The following GRM5 variants were observed in gnomAD, a reference collection of about 807,000 sequenced individuals.
GRM5 encodes metabotropic glutamate receptor 5.
Under a neutral mutation model 83.1 loss-of-function variants are expected in GRM5, and 19 were observed. The ratio of observed to expected loss-of-function variants is 0.23; its 90% CI spans 0.16 to 0.34. The LOEUF (loss-of-function observed/expected upper bound fraction) is 0.34, where lower values mean the gene tolerates loss of function less well. Ranked by LOEUF, GRM5 falls within the 10% of genes least tolerant of loss-of-function variation. The pLI is 1.00. For synonymous variants in GRM5, 675 were observed against 633.6 expected (o/e 1.07, Z -0.98); for missense variants, 1,160 against 1,588.3 (o/e 0.73, Z 4.58).
chr11:88,981,606 A>T (rs1177532034), intron 2 of GRM5, among the ~76,000 whole-genome samples: 1 of 151,874 alleles, frequency 6.6e-6, no homozygotes, highest in Non-Finnish European at 1.5e-5. Flanking sequence ...TAGTATACAC[A>T]AAAAAAATTA....
At chr11:88,741,619 A>G (rs1942031146) in intron 3 of GRM5, among the ~76,000 whole-genome samples, 1 of 152,122 alleles carries the variant, frequency 6.6e-6, no homozygotes, top group South Asian at 2.1e-4. Flanking sequence ...CATAATCTAT[A>G]CTATAGTATA....
chr11:88,552,802 C>T (rs1001391800), intron 8 of GRM5, among the ~76,000 whole-genome samples: 6 of 152,122 alleles, frequency 3.9e-5, no homozygotes, highest in African/African-American at 1.2e-4. Flanking sequence ...CAGCCCATAA[C>T]TCGTAGTCTG....
At chr11:88,987,317 C>T (rs56018501) in intron 2 of GRM5, among the ~76,000 whole-genome samples, 4 of 152,278 alleles carry the variant, frequency 2.6e-5, no homozygotes, top group Middle Eastern at 3.4e-3. Context: ...TAAAAAACGG[C>T]ACACCACGAG....
chr11:88,944,785 C>A (rs1247721153), intron 2 of GRM5, among the ~76,000 whole-genome samples: 1 of 151,806 alleles, frequency 6.6e-6, no homozygotes, highest in Non-Finnish European at 1.5e-5. Flanking sequence ...CTGGAAATAT[C>A]CCCCTAGAGA....
intron 7 of GRM5, among the ~76,000 whole-genome samples, chr11:88,579,036 A>T (rs2135189936): frequency 6.6e-6 from 1 of 152,276 alleles, no homozygotes; most frequent in African/African-American, 2.4e-5. Flanking sequence ...TGTGATCATG[A>T]GCATGGATAT....
At chr11:88,514,000 C>A (rs183482387) in intron 9 of GRM5, among the ~76,000 whole-genome samples, 1 of 151,936 alleles carries the variant, frequency 6.6e-6, no homozygotes, top group Admixed American at 6.6e-5. Context: ...TGAAAGGGAA[C>A]TTTTCTTTAC....
chr11:88,814,434 T>C (rs1271076802), intron 3 of GRM5, among the ~76,000 whole-genome samples: 3 of 152,166 alleles, frequency 2.0e-5, no homozygotes, highest in Non-Finnish European at 2.9e-5. Flanking sequence ...TCTGAAAGTA[T>C]TGAATCGAAC....
intron 2 of GRM5, among the ~76,000 whole-genome samples, chr11:89,033,159 T>C (rs1463136427): frequency 6.6e-6 from 1 of 152,032 alleles, no homozygotes; most frequent in Admixed American, 6.6e-5. Flanking sequence ...TTGACCATCA[T>C]AACAAAACAT....
chr11:88,915,877 G>C (rs151176110), intron 2 of GRM5, among the ~76,000 whole-genome samples: 1 of 152,216 alleles, frequency 6.6e-6, no homozygotes, highest in East Asian at 1.9e-4. Context: ...TCTCATGGTT[G>C]TCTACAAAAC....
chr11:88,858,327 A>G (rs1327042057), intron 2 of GRM5, among the ~76,000 whole-genome samples: 2 of 152,112 alleles, frequency 1.3e-5, no homozygotes, highest in East Asian at 3.8e-4. Flanking sequence ...ATAACTATGC[A>G]TCGCCCCACT....
chr11:88,942,702 T>A (rs1938153196), intron 2 of GRM5, among the ~76,000 whole-genome samples: 1 of 151,736 alleles, frequency 6.6e-6, no homozygotes. Flanking sequence ...GACCTAGATT[T>A]GTCATTTTCC....
At chr11:88,761,540 A>G (rs1357579586) in intron 3 of GRM5, among the ~76,000 whole-genome samples, 1 of 152,106 alleles carries the variant, frequency 6.6e-6, no homozygotes, top group Non-Finnish European at 1.5e-5. Context: ...ACACTGCTCA[A>G]AGAAATCAGA....
intron 3 of GRM5, among the ~76,000 whole-genome samples, chr11:88,753,258 GA>G (rs1012248022): frequency 6.6e-5 from 10 of 151,800 alleles, no homozygotes; most frequent in African/African-American, 2.4e-4. Flanking sequence ...AAATTTATGA[GA>G]AAAAACAACC....
intron 8 of GRM5, among the ~76,000 whole-genome samples, chr11:88,551,871 C>G (rs1207663930): frequency 1.3e-5 from 2 of 152,108 alleles, no homozygotes; most frequent in African/African-American, 4.8e-5. Flanking sequence ...GGAAGCAGAA[C>G]TCATTGAATT....
intron 2 of GRM5, among the ~76,000 whole-genome samples, chr11:88,986,986 CATCCT>C (rs1232420386): frequency 6.6e-6 from 1 of 151,644 alleles, no homozygotes; most frequent in Non-Finnish European, 1.5e-5. Flanking sequence ...AGATCAAGAT[CATCCT>C]ATCGGGGGAA....
intron 2 of GRM5, among the ~76,000 whole-genome samples, chr11:88,989,901 A>G (rs1250483425): frequency 3.3e-5 from 5 of 151,994 alleles, no homozygotes; most frequent in South Asian, 4.1e-4. Flanking sequence ...TGCCCACAAG[A>G]GAAAGCAGGA....
At chr11:88,739,620 TC>T (rs1941988873) in intron 3 of GRM5, among the ~76,000 whole-genome samples, 1 of 152,040 alleles carries the variant, frequency 6.6e-6, no homozygotes, top group African/African-American at 2.4e-5. Flanking sequence ...CCCATGTTGT[TC>T]TCGTGATCAC....
At chr11:88,579,982 G>C (rs959894707) in intron 7 of GRM5, among the ~76,000 whole-genome samples, 1 of 152,198 alleles carries the variant, frequency 6.6e-6, no homozygotes, top group Non-Finnish European at 1.5e-5. Flanking sequence ...GTAGTGAGAA[G>C]TGGTGGAATT....
chr11:89,054,683 G>C (rs912197416), intron 1 of GRM5, among the ~76,000 whole-genome samples: 1 of 151,944 alleles, frequency 6.6e-6, no homozygotes, highest in Non-Finnish European at 1.5e-5. Context: ...GAGACTGAAC[G>C]ATTTTTTGAA....
Sources: gnomAD v4.1 joint callset for allele counts (sites outside exome capture counted in the v4.1 genomes callset) on GRCh38, gnomAD v4.1.1 for gene constraint, MANE v1.5 for transcripts, NCBI Gene and HGNC (gene_info 2026-07-23, HGNC 2026-07-21) for gene names.